The following PDGFC variants were observed in gnomAD, a reference collection of about 807,000 sequenced individuals.
The protein encoded by PDGFC is platelet derived growth factor C.
PDGFC carries 12 observed loss-of-function variants against 35.5 expected under a neutral mutation model. The observed-to-expected ratio is 0.34, with a 90% CI of 0.22 to 0.55. The LOEUF is 0.55. Among genes scored for constraint, PDGFC ranks in the 20% least tolerant of loss-of-function variants. PDGFC has a pLI of 0.91. For missense variants in PDGFC, 322 were observed against 412.4 expected, an observed-to-expected ratio of 0.78 and a Z score of 1.90; for synonymous variants, 159 against 148.8, an observed-to-expected ratio of 1.07 and a Z score of -0.50.
At chr4:156,965,412 T>C (rs1021483151) in intron 1 of PDGFC, among the ~76,000 whole-genome samples, 2 of 152,118 alleles carry the variant, frequency 1.3e-5, no homozygotes, top group African/African-American at 4.8e-5. Flanking sequence ...TGTTGGTAGA[T>C]AATAAATTAA....
Position 156,772,911 on chromosome 4 carries a change from C to T in PDGFC, c.496-18G>A, listed in dbSNP as rs760143920. The T allele has an allele frequency of 1.3e-6, 2 of 1,556,246 alleles. No homozygotes were observed. Among genetic ancestry groups the T allele is most frequent in the East Asian group, 2.2e-5 (1 of 44,474 alleles). On this transcript the variant is annotated intron_variant, in intron 3 of 5. Transcript: ENST00000502773. The stretch of plus-strand genomic sequence containing the variant: ...GTGAATTGCTGAAAGTAAAATGAAT[C>T]CTGTGTTAACTGTTTTAAAAACGAC...
intron 3 of PDGFC, among the ~76,000 whole-genome samples, chr4:156,804,365 A>T (rs1731698870): frequency 6.6e-6 from 1 of 152,078 alleles, no homozygotes; most frequent in Admixed American, 6.6e-5. Flanking sequence ...GAAAATGAGG[A>T]TCTCTGACTA....
intron 1 of PDGFC, among the ~76,000 whole-genome samples, chr4:156,934,519 C>G (rs1303812984): frequency 3.9e-5 from 6 of 152,034 alleles, no homozygotes; most frequent in Admixed American, 3.9e-4. Context: ...TTTATAAAGG[C>G]TAAATGCTTA....
chr4:156,887,643 A>C (rs1411382358), intron 1 of PDGFC, among the ~76,000 whole-genome samples: 2 of 152,204 alleles, frequency 1.3e-5, no homozygotes, highest in African/African-American at 4.8e-5. Context: ...AAAAATAGAA[A>C]ATTGAAACTT....
At chr4:156,805,117 CA>C (rs777774597) in intron 3 of PDGFC, among the ~76,000 whole-genome samples, 2 of 151,816 alleles carry the variant, frequency 1.3e-5, no homozygotes, top group Non-Finnish European at 2.9e-5. Flanking sequence ...GCATTGTGCC[CA>C]TGGAGAAGTG....
Position 156,810,827 on chromosome 4 carries a change from TG to T in PDGFC, c.495+9del. 1 of 1,536,348 alleles carries T rather than the reference TG, an allele frequency of 6.5e-7. No homozygotes were observed. The highest frequency in any genetic ancestry group is 8.9e-7 in the Non-Finnish European group (1 of 1,121,152). ...CCAATTAAATAAGGGGATCTGAAAG[TG>T]GTACTTACTGGCATGACAATGTTGT... is the stretch of plus-strand genomic sequence containing the variant. On this transcript the variant is annotated intron_variant, in intron 3 of 5. Coordinates refer to ENST00000502773, the MANE Select transcript of PDGFC (RefSeq NM_016205.3).
intron 1 of PDGFC, among the ~76,000 whole-genome samples, chr4:156,945,364 T>C (rs866069652): frequency 1.5e-4 from 17 of 114,648 alleles, no homozygotes; most frequent in South Asian, 2.6e-4. Context: ...TATATATATA[T>C]ATATATATAT....
At chr4:156,884,647 T>C (rs537257355) in intron 1 of PDGFC, among the ~76,000 whole-genome samples, 39 of 152,200 alleles carry the variant, frequency 2.6e-4, no homozygotes, top group Non-Finnish European at 1.5e-4. Context: ...CACATTATCT[T>C]TGAACACATT....
chr4:156,920,649 ACAC>A lies in PDGFC; in HGVS notation c.118+50134_118+50136del, dbSNP rs1560873568. On this transcript the variant is annotated intron_variant, in intron 1 of 5. Transcript: ENST00000502773. ...AAAGCTTAACAGGAAAAGAAAACACACACACACACACACACACACACACACACA... is the reference window on the plus strand; with the variant it reads ...AAAGCTTAACAGGAAAAGAAAACACAACACACACACACACACACACACACA... Among the ~76,000 whole-genome samples the A allele has an allele frequency of 3.9e-4, 39 of 98,876 alleles. No individual in the cohort carries two copies. In the East Asian group the frequency reaches 6.1e-3, roughly 15 times the overall value. The allele number at this position is 98,876 out of a possible 152,430, so 64.9% of individuals were successfully genotyped here.
intron 1 of PDGFC, among the ~76,000 whole-genome samples, chr4:156,935,040 G>A (rs1159505661): frequency 6.6e-6 from 1 of 152,168 alleles, no homozygotes; most frequent in African/African-American, 2.4e-5. Context: ...TCTGTCCCCA[G>A]GATGGAGTGC....
chr4:156,805,957 C>T (rs1190570004), intron 3 of PDGFC, among the ~76,000 whole-genome samples: 4 of 152,052 alleles, frequency 2.6e-5, no homozygotes, highest in Admixed American at 1.3e-4. Context: ...CTGGCCAGTA[C>T]GCCGTCTGAA....
intron 3 of PDGFC, among the ~76,000 whole-genome samples, chr4:156,787,227 A>C (rs1448467320): frequency 6.6e-6 from 1 of 152,118 alleles, no homozygotes; most frequent in Non-Finnish European, 1.5e-5. Flanking sequence ...AGTGAAGAGG[A>C]CTGAGGAGTG....
chr4:156,815,862 C>T (rs1732072640), intron 2 of PDGFC, among the ~76,000 whole-genome samples: 1 of 152,116 alleles, frequency 6.6e-6, no homozygotes, highest in Non-Finnish European at 1.5e-5. Flanking sequence ...TTTCTCATGG[C>T]AACATGATAC....
chr4:156,959,048 C>T (rs992261361), intron 1 of PDGFC, among the ~76,000 whole-genome samples: 1 of 151,930 alleles, frequency 6.6e-6, no homozygotes, highest in Non-Finnish European at 1.5e-5. Context: ...TGTCTGAGCC[C>T]AGAAGGAAAA....
intron 1 of PDGFC, among the ~76,000 whole-genome samples, chr4:156,918,306 G>T (rs1289589606): frequency 6.6e-6 from 1 of 152,158 alleles, no homozygotes; most frequent in Non-Finnish European, 1.5e-5. Flanking sequence ...ACTCTAGGGA[G>T]ATTTACTGTA....
intron 1 of PDGFC, among the ~76,000 whole-genome samples, chr4:156,877,359 T>C (rs551674126): frequency 2.6e-5 from 4 of 152,262 alleles, no homozygotes; most frequent in South Asian, 2.1e-4. Context: ...ATTTTCAACA[T>C]TGCTCTTCTT....
In PDGFC at chr4:156,761,653, TCAATA is replaced by T. The variant is rs1195716661; in HGVS notation, c.*1432_*1436del. 6.6e-6 allele frequency: 1 copy of T among 152,652 alleles called. No individual in the cohort carries two copies. Among genetic ancestry groups the T allele is most frequent in the African/African-American group, 2.4e-5 (1 of 41,464 alleles). 9.5% of individuals were successfully genotyped at this position (152,652 alleles called of 1,614,324 possible). ...TAGCCACATTCTTTTATTTGATGAT[TCAATA>T]CATTTTTGATTCAAATAGTCACCAC... On this transcript the variant is annotated 3_prime_UTR_variant, in exon 6 of 6. Transcript: ENST00000502773.
At chr4:156,901,668 C>T (rs896757820) in intron 1 of PDGFC, among the ~76,000 whole-genome samples, 1 of 152,092 alleles carries the variant, frequency 6.6e-6, no homozygotes, top group Admixed American at 6.5e-5. Context: ...GTTGTCCAGG[C>T]TGGAGTGCCA....
At chr4:156,777,571 G>T (rs1189480179) in intron 3 of PDGFC, among the ~76,000 whole-genome samples, 2 of 152,096 alleles carry the variant, frequency 1.3e-5, no homozygotes, top group Non-Finnish European at 2.9e-5. Flanking sequence ...TAGGAGAGAG[G>T]TGTCAGAAGA....
Sources: allele counts gnomAD v4.1 joint callset (sites outside exome capture counted in the v4.1 genomes callset), GRCh38; gene constraint gnomAD v4.1.1; transcripts MANE v1.5; gene names NCBI Gene and HGNC (gene_info 2026-07-23, HGNC 2026-07-21).